TRPC5: variants seen among roughly 807,000 people sequenced by gnomAD.
TRPC5 encodes short transient receptor potential channel 5.
In TRPC5, 9 loss-of-function variants were observed where a neutral mutation model predicts 56.5. That is an observed-to-expected ratio of 0.16 (90% CI 0.10 to 0.28). TRPC5 has a LOEUF of 0.28. Among genes scored for constraint, TRPC5 ranks in the 10% least tolerant of loss-of-function variants. The pLI, the probability that TRPC5 is intolerant of heterozygous loss-of-function variation, is 1.00. For synonymous variants in TRPC5, 282 were observed against 278.5 expected, an observed-to-expected ratio of 1.01 and a Z score of -0.13; for missense variants, 469 against 748.9, an observed-to-expected ratio of 0.63 and a Z score of 4.36.
chrX:111,888,722 A>AAAAAG (rs1556577529), intron 3 of TRPC5, among the ~76,000 whole-genome samples: 1 of 98,410 alleles, frequency 1.0e-5, no homozygotes, highest in African/African-American at 4.4e-5. Context: ...AAAAAAAAGA[A>AAAAAG]AGAAAAGAAA....
rs1930444209 is a variant in TRPC5 at position 112,060,838 on chromosome X, T to G, written c.-22+21041A>C. ...CCCCCAAAAGGGTTGCTTTGTTAGC[T>G]GCAATATGCTTTCTCTTTGAACTCA... is the stretch of plus-strand genomic sequence containing the variant. On this transcript the variant is annotated intron_variant, in intron 1 of 10. Transcript: ENST00000262839. 2.7e-5 allele frequency among the ~76,000 whole-genome samples: 3 copies of G among 112,722 alleles called. 1 individual carries two copies. In the South Asian group the frequency reaches 1.1e-3, roughly 41 times the overall value.
chrX:111,985,693 T>C (rs1447803200), intron 1 of TRPC5, among the ~76,000 whole-genome samples: 2 of 112,114 alleles, frequency 1.8e-5, no homozygotes, highest in Non-Finnish European at 3.8e-5. Context: ...CCTAGAAATT[T>C]TCTGCTCATC....
chrX:111,961,228 C>A (rs1365769949), intron 1 of TRPC5, among the ~76,000 whole-genome samples: 1 of 112,080 alleles, frequency 8.9e-6, no homozygotes, highest in African/African-American at 3.2e-5. Flanking sequence ...ACAAAAATTG[C>A]AAAAAATTAC....
intron 1 of TRPC5, among the ~76,000 whole-genome samples, chrX:112,010,001 A>G (rs1928950026): frequency 8.9e-6 from 1 of 112,152 alleles, no homozygotes; most frequent in Admixed American, 9.4e-5. Flanking sequence ...ATAATAAAAA[A>G]AATCGTACTT....
chrX:112,056,080 A>G (rs769066706), intron 1 of TRPC5, among the ~76,000 whole-genome samples: 7 of 111,740 alleles, frequency 6.3e-5, no homozygotes, highest in African/African-American at 2.0e-4. Context: ...CTACTAATCC[A>G]TATTGACCCT....
intron 1 of TRPC5, among the ~76,000 whole-genome samples, chrX:111,956,235 C>T (rs1708907221): frequency 8.9e-6 from 1 of 112,286 alleles, no homozygotes; most frequent in South Asian, 3.7e-4. Context: ...AACATCAGTG[C>T]CTTCAGAGTG....
intron 7 of TRPC5, among the ~76,000 whole-genome samples, chrX:111,808,753 G>A: frequency 9.1e-6 from 1 of 109,554 alleles, no homozygotes; most frequent in Non-Finnish European, 1.9e-5. Context: ...GAATAATGCT[G>A]GGCCACACCT....
At chrX:111,920,191 C>G (rs1603099117) in intron 2 of TRPC5, among the ~76,000 whole-genome samples, 1 of 111,414 alleles carries the variant, frequency 9.0e-6, no homozygotes, top group East Asian at 2.8e-4. Context: ...AGGAGAATCA[C>G]TTGAACCCGG....
chrX:111,942,333 A>G (rs1414782389), intron 2 of TRPC5, among the ~76,000 whole-genome samples: 1 of 112,491 alleles, frequency 8.9e-6, no homozygotes, highest in African/African-American at 3.2e-5. Flanking sequence ...AGTTGAACAG[A>G]ACTAAATAGA....
intron 10 of TRPC5, among the ~76,000 whole-genome samples, chrX:111,778,022 C>T (rs1945891945): frequency 1.8e-5 from 2 of 112,364 alleles, no homozygotes; most frequent in Non-Finnish European, 3.8e-5. Flanking sequence ...GTGCTTGGAA[C>T]ATAGCAGACC....
chrX:111,799,803 A>T (rs1357793194), intron 7 of TRPC5, among the ~76,000 whole-genome samples: 1 of 111,665 alleles, frequency 9.0e-6, no homozygotes, highest in Non-Finnish European at 1.9e-5. Context: ...GGGTTTCAAG[A>T]TATGGGTCTT....
Position 112,060,966 on chromosome X carries a change from G to A in TRPC5, c.-22+20913C>T, listed in dbSNP as rs183505809. On this transcript the variant is annotated intron_variant, in intron 1 of 10. Transcript: ENST00000262839. ...TGAAAATGCCTCCTGGCTCAGCCTTGGCTTTCGTCTGGACCCTCCAACAAC... is the reference window on the plus strand; with the variant it reads ...TGAAAATGCCTCCTGGCTCAGCCTTAGCTTTCGTCTGGACCCTCCAACAAC... Among the ~76,000 whole-genome samples, 44 of 112,165 alleles carry A rather than the reference G, an allele frequency of 3.9e-4. No individual in the cohort carries two copies. The East Asian group carries it at 0.012, about 30-fold the overall frequency.
chrX:111,842,122 A>T (rs867836910), intron 6 of TRPC5, among the ~76,000 whole-genome samples: 2 of 84,124 alleles, frequency 2.4e-5, no homozygotes, highest in South Asian at 4.5e-4. Context: ...TATATATTTT[A>T]TATATATATG....
At position 112,007,933 on chromosome X, in the gene TRPC5, G is replaced by A. The variant is rs1301092201; in HGVS notation, c.-21-55492C>T. On this transcript the variant is annotated intron_variant, in intron 1 of 10. Transcript: ENST00000262839. The stretch of plus-strand genomic sequence containing the variant: ...TGGGCTAACCATATGGGTGGTAGGG[G>A]GAGTTAAGGGGAGAGGAATTTCATC... Among the ~76,000 whole-genome samples, 3 of 111,518 alleles carry A rather than the reference G, an allele frequency of 2.7e-5. No individual in the cohort carries two copies. In the East Asian group the frequency reaches 8.5e-4, roughly 32 times the overall value.
At chrX:112,009,989 G>C (rs1928949575) in intron 1 of TRPC5, among the ~76,000 whole-genome samples, 1 of 111,630 alleles carries the variant, frequency 9.0e-6, no homozygotes, top group African/African-American at 3.3e-5. Flanking sequence ...AGAACTTAAA[G>C]TATAATAAAA....
chrX:111,976,298 T>A (rs1023018605), intron 1 of TRPC5, among the ~76,000 whole-genome samples: 1 of 110,185 alleles, frequency 9.1e-6, no homozygotes, highest in African/African-American at 3.3e-5. Context: ...TGGTGTGCAC[T>A]TGTAATTTCA....
intron 1 of TRPC5, among the ~76,000 whole-genome samples, chrX:111,992,001 G>C (rs1928367304): frequency 8.9e-6 from 1 of 112,092 alleles, no homozygotes. Flanking sequence ...ACTGTACTTA[G>C]CTTGGATGTC....
intron 1 of TRPC5, among the ~76,000 whole-genome samples, chrX:111,979,210 A>G (rs988578254): frequency 3.6e-5 from 4 of 111,388 alleles, no homozygotes; most frequent in African/African-American, 1.3e-4. Flanking sequence ...AGGTAAAGGC[A>G]ATTCGTGGAT....
rs1020292576 is a variant in TRPC5 at position 112,021,237 on chromosome X, C to T, written c.-22+60642G>A. ...CTTACATATAATTGAGAACAGACTT[C>T]GTGGTCCACAAAACCCTCTGGATTC... is the stretch of plus-strand genomic sequence containing the variant. On this transcript the variant is annotated intron_variant, in intron 1 of 10. Transcript: ENST00000262839. Among the ~76,000 whole-genome samples the T allele has an allele frequency of 3.6e-5, 4 of 110,868 alleles. No individual in the cohort carries two copies. In the East Asian group the frequency reaches 8.5e-4, roughly 24 times the overall value.
Sources: gnomAD v4.1 joint callset for allele counts (sites outside exome capture counted in the v4.1 genomes callset) on GRCh38, gnomAD v4.1.1 for gene constraint, MANE v1.5 for transcripts, NCBI Gene and HGNC (gene_info 2026-07-23, HGNC 2026-07-21) for gene names.